Variants in PCDHGA11 observed in about 807,000 individuals in gnomAD.
The protein encoded by PCDHGA11 is protocadherin gamma-A11.
In PCDHGA11, 39 loss-of-function variants were observed where a neutral mutation model predicts 60.4. The ratio of observed to expected loss-of-function variants is 0.65; its 90% CI spans 0.50 to 0.84. The LOEUF is 0.84. PCDHGA11 is among the 40% of genes least tolerant of loss of function. The pLI is 0.00. For synonymous variants in PCDHGA11, 533 were observed against 510.3 expected (o/e 1.04, Z -0.60); for missense variants, 1,165 against 1,197.7 (o/e 0.97, Z 0.40).
In PCDHGA11 at chr5:141,502,866, CT is replaced by C. The variant is rs549047197; in HGVS notation, c.2493-2513del. Among the ~76,000 whole-genome samples the C allele has an allele frequency of 2.5e-3, 324 of 127,930 alleles. 1 individual carries two copies. Among genetic ancestry groups the C allele is most frequent in the Non-Finnish European group, 3.0e-3 (189 of 62,366 alleles). 83.9% of individuals were successfully genotyped at this position (127,930 alleles called of 152,430 possible). On this transcript the variant is annotated intron_variant, in intron 2 of 3. Transcript: ENST00000398587. ...GAGCTGCCTAACCCTGACTCTCTGT[CT>C]TTTTTTTTTTTTTGACAGGGAGTCT...
rs3074545 is a variant in PCDHGA11, at chr5:141,482,530, C to CAAAAAAA, written c.2434-12264_2434-12258dup. On this transcript the variant is annotated intron_variant, in intron 1 of 3. Coordinates refer to ENST00000398587, the MANE Select transcript of PCDHGA11 (RefSeq NM_018914.3). ...CAGAGTACAGTATGAGACAGACATG[C>CAAAAAAA]AAAAAAAAAAAAAAAAAAAGATAAT... Among the ~76,000 whole-genome samples the CAAAAAAA allele has an allele frequency of 6.5e-4, 50 of 76,534 alleles. 2 individuals are homozygous for CAAAAAAA. The highest frequency in any genetic ancestry group is 1.7e-3 in the African/African-American group (35 of 20,860). 50.2% of individuals were successfully genotyped at this position (76,534 alleles called of 152,430 possible).
At chr5:141,510,831 A>T (rs2154594660) in intron 3 of PCDHGA11, 116 bp from the exon 4 acceptor site, 1 of 1,577,022 alleles carries the variant, frequency 6.3e-7, no homozygotes, top group East Asian at 2.2e-5. Context: ...CCCAGTGCTC[A>T]GCGTGGTCAA....
chr5:141,433,305 C>T, intron 1 of PCDHGA11: 1 of 931,032 alleles, frequency 1.1e-6, no homozygotes, highest in Non-Finnish European at 1.6e-6. Flanking sequence ...GCAATTATCC[C>T]ACCTTTGCCT....
chr5:141,489,159 T>G lies in PCDHGA11; in HGVS notation c.2434-5648T>G. On this transcript the variant is annotated intron_variant, in intron 1 of 3. Transcript: ENST00000398587. This position sits in a 1 kb window ranked among gnomAD's most constrained non-coding sequence, Gnocchi z 4.5. ...AGGCTGGAAGGAGACATAAGAGACT[T>G]CAGCTGCTGCATTCCAAGCCCTGGG... is the stretch of plus-strand genomic sequence containing the variant. 2 of 1,023,152 alleles carry G rather than the reference T, an allele frequency of 2.0e-6. No individual in the cohort carries two copies. Among genetic ancestry groups the G allele is most frequent in the Non-Finnish European group, 2.9e-6 (2 of 697,120 alleles). The allele number at this position is 1,023,152 out of a possible 1,614,324, so 63.4% of individuals were successfully genotyped here. A position where few individuals can be genotyped will look rare whatever the true frequency, so the allele number is the denominator to read the frequency against.
chr5:141,491,361 C>T lies in PCDHGA11; in HGVS notation c.2434-3446C>T. 1 of 1,614,132 alleles carries T rather than the reference C, an allele frequency of 6.2e-7. No homozygotes were observed. The highest frequency in any genetic ancestry group is 8.5e-7 in the Non-Finnish European group (1 of 1,179,982). ...CGACCGTCAGTCTCTTATCCCTAGT[C>T]ACCTTCACCTTTCTGTCAGCGAAGT... On this transcript the variant is annotated intron_variant, in intron 1 of 3. Transcript: ENST00000398587. The surrounding 1 kb of genome is among the most constrained non-coding windows in gnomAD (Gnocchi z 6.9).
intron 2 of PCDHGA11, among the ~76,000 whole-genome samples, chr5:141,496,991 G>T (rs1164558685): frequency 6.6e-6 from 1 of 151,902 alleles, no homozygotes; most frequent in African/African-American, 2.4e-5. Context: ...TTTGAGACCA[G>T]CCTGGCAGCC....
chr5:141,433,837 C>CAAA lies in PCDHGA11; in HGVS notation c.2433+10193_2433+10195dup, dbSNP rs56191208. The stretch of plus-strand genomic sequence containing the variant: ...GGGCAACAAGAGTGAAACTCTATCT[C>CAAA]AAAAAAAAAAAAAAAAAACTTTATC... On this transcript the variant is annotated intron_variant, in intron 1 of 3. Transcript: ENST00000398587. 4.3e-3 allele frequency among the ~76,000 whole-genome samples: 475 copies of CAAA among 111,672 alleles called. 6 individuals carry two copies. The highest frequency in any genetic ancestry group is 0.013 in the African/African-American group (431 of 32,292). The allele number at this position is 111,672 out of a possible 152,430, so 73.3% of individuals were successfully genotyped here.
chr5:141,422,780 T>C lies in PCDHGA11; in HGVS notation c.1553T>C (p.Leu518Pro). Residue 518 changes from leucine (L) to proline (P), a missense_variant, in exon 1 of 4, where the codon CTA becomes CCA. By Grantham distance (98) the Leu-to-Pro change is moderately conservative. Coordinates refer to ENST00000398587, the MANE Select transcript of PCDHGA11 (RefSeq NM_018914.3). ...TCCAACACTGGTGTTCTCTATGCCCTACAATCCTTCGACTATGAGCAGTTT... is the reference window on the plus strand; with the variant it reads ...TCCAACACTGGTGTTCTCTATGCCCCACAATCCTTCGACTATGAGCAGTTT... Reference protein sequence around the residue: ...INSNTGVLYALQSFDYEQFRD... With the variant: ...INSNTGVLYAPQSFDYEQFRD... 2 of 1,614,140 alleles carry C rather than the reference T, an allele frequency of 1.2e-6. No homozygotes were observed. Among genetic ancestry groups the C allele is most frequent in the Non-Finnish European group, 1.7e-6 (2 of 1,179,986 alleles).
Position 141,501,290 on chromosome 5 carries a change from TACACACAC to T in PCDHGA11, c.2493-4066_2493-4059del, listed in dbSNP as rs55762287. 3.7e-3 allele frequency among the ~76,000 whole-genome samples: 499 copies of T among 136,222 alleles called. 2 individuals carry two copies. Among genetic ancestry groups the T allele is most frequent in the Middle Eastern group, 0.033 (9 of 270 alleles). 89.4% of individuals were successfully genotyped at this position (136,222 alleles called of 152,430 possible). On this transcript the variant is annotated intron_variant, in intron 2 of 3. Transcript: ENST00000398587. ...GTCCAGTCTATGGGATATTCCCTTA[TACACACAC>T]ACACACACACACACACACACACACA... is the stretch of plus-strand genomic sequence containing the variant.
intron 1 of PCDHGA11, among the ~76,000 whole-genome samples, chr5:141,492,409 C>G (rs1367119266): frequency 6.6e-6 from 1 of 152,230 alleles, no homozygotes; most frequent in Non-Finnish European, 1.5e-5. Flanking sequence ...TCCCCTCTGC[C>G]GCTCCCTCCG....
At chr5:141,492,195 CTT>C (rs1240529719) in intron 1 of PCDHGA11, among the ~76,000 whole-genome samples, 1 of 152,242 alleles carries the variant, frequency 6.6e-6, no homozygotes, top group Non-Finnish European at 1.5e-5. Context: ...GTCTGCGGGA[CTT>C]AGGTGTGCGC....
rs922405350 is a variant in PCDHGA11, at chr5:141,512,227, T to C, written c.*1054T>C. 5 of 152,764 alleles carry C rather than the reference T, an allele frequency of 3.3e-5. No homozygotes were observed. The highest frequency in any genetic ancestry group is 1.2e-4 in the African/African-American group (5 of 41,552). 9.5% of individuals were successfully genotyped at this position (152,764 alleles called of 1,614,324 possible). On this transcript the variant is annotated 3_prime_UTR_variant, in exon 4 of 4. Transcript: ENST00000398587. ...AAGCAGGTTTAGGACCAGGTCCCCTTGAGAGGTCAGAGGGGCCTCTGTGGG... is the reference window on the plus strand; with the variant it reads ...AAGCAGGTTTAGGACCAGGTCCCCTCGAGAGGTCAGAGGGGCCTCTGTGGG...
chr5:141,433,742 C>T lies in PCDHGA11; in HGVS notation c.2433+10082C>T, dbSNP rs927651405. 2.6e-5 allele frequency among the ~76,000 whole-genome samples: 4 copies of T among 150,944 alleles called. No homozygotes were observed. The East Asian group carries it at 7.9e-4, about 30-fold the overall frequency. On this transcript the variant is annotated intron_variant, in intron 1 of 3. Coordinates refer to ENST00000398587, the MANE Select transcript of PCDHGA11 (RefSeq NM_018914.3). Reference sequence around the variant, plus strand: ...ATCCCAGCTACTTGGGAGGCTGAGTCAGGAGAATTGCTTTAACCTGGGAGG... The same window carrying T: ...ATCCCAGCTACTTGGGAGGCTGAGTTAGGAGAATTGCTTTAACCTGGGAGG...
chr5:141,475,749 A>G (rs1039777629), intron 1 of PCDHGA11, among the ~76,000 whole-genome samples: 13 of 152,278 alleles, frequency 8.5e-5, no homozygotes, highest in Admixed American at 6.5e-5. Context: ...TAGGTTTCCT[A>G]TGCACCGATA....
intron 3 of PCDHGA11, among the ~76,000 whole-genome samples, chr5:141,507,802 T>G (rs886950696): frequency 6.6e-6 from 1 of 152,204 alleles, no homozygotes; most frequent in African/African-American, 2.4e-5. Context: ...GCCTGCGCCC[T>G]GGGGAACGGA....
intron 1 of PCDHGA11, chr5:141,433,226 C>G (rs1433770157): frequency 6.6e-7 from 1 of 1,514,890 alleles, no homozygotes; most frequent in Non-Finnish European, 9.0e-7. Context: ...TTTTTAATTG[C>G]TCTGTCTCCC....
chr5:141,422,762 C>A lies in PCDHGA11; in HGVS notation c.1535C>A (p.Thr512Asn), dbSNP rs745320796. 1 of 1,613,392 alleles carries A rather than the reference C, an allele frequency of 6.2e-7. No homozygotes were observed. The highest frequency in any genetic ancestry group is 1.7e-5 in the Admixed American group (1 of 60,012). Reference protein sequence around the residue: ...LSSYVSINSNTGVLYALQSFD... With the variant: ...LSSYVSINSNNGVLYALQSFD... ...TCCTATGTCTCTATTAACTCCAACA[C>A]TGGTGTTCTCTATGCCCTACAATCC... The change falls in exon 1 of 4, where the codon ACT becomes AAT. Residue 512 changes from threonine to asparagine, a missense_variant. By Grantham distance (65) the Thr-to-Asn change is moderately conservative. Coordinates refer to ENST00000398587, the MANE Select transcript of PCDHGA11 (RefSeq NM_018914.3).
chr5:141,468,598 G>A (rs1250884127), intron 1 of PCDHGA11: 1 of 152,228 alleles, frequency 6.6e-6, no homozygotes, highest in African/African-American at 2.4e-5. Context: ...TGGGCGCGGT[G>A]GCTCACGCCT....
In PCDHGA11 at chr5:141,491,786, C is replaced by T; in HGVS notation, c.2434-3021C>T. The stretch of plus-strand genomic sequence containing the variant: ...CCTCATAAGGGATTGAACTTGCATC[C>T]ACTCCTCTCCGGCCGGCTTGGTCGC... On this transcript the variant is annotated intron_variant, in intron 1 of 3. Coordinates refer to ENST00000398587, the MANE Select transcript of PCDHGA11 (RefSeq NM_018914.3). This position sits in a 1 kb window ranked among gnomAD's most constrained non-coding sequence, Gnocchi z 6.9. The T allele has an allele frequency of 1.3e-6, 2 of 1,529,640 alleles. No individual in the cohort carries two copies. The highest frequency in any genetic ancestry group is 2.5e-5 in the South Asian group (2 of 80,832). The allele number at this position is 1,529,640 out of a possible 1,614,324, so 94.8% of individuals were successfully genotyped here.
Sources: allele counts gnomAD v4.1 joint callset (sites outside exome capture counted in the v4.1 genomes callset), GRCh38; gene constraint gnomAD v4.1.1; non-coding constraint Gnocchi (gnomAD v3.1); transcripts MANE v1.5; gene names NCBI Gene and HGNC (gene_info 2026-07-23, HGNC 2026-07-21).